PCF11: variants seen among roughly 807,000 people sequenced by gnomAD.
The protein encoded by PCF11 is pre-mRNA cleavage complex 2 protein Pcf11.
In PCF11, 19 loss-of-function variants were observed where a neutral mutation model predicts 166.1. The ratio of observed to expected loss-of-function variants is 0.11; its 90% confidence interval spans 0.08 to 0.17. The LOEUF (loss-of-function observed/expected upper bound fraction) is 0.17, where lower values mean the gene tolerates loss of function less well. Among genes scored for constraint, PCF11 ranks in the 10% least tolerant of loss-of-function variants. The pLI is 1.00. For synonymous variants in PCF11, 663 were observed against 644.1 expected (o/e 1.03, Z -0.44); for missense variants, 1,565 against 1,855.5 (o/e 0.84, Z 2.88).
At chr11:83,157,297 C>T (rs565223483) in exon 1 of PCF11, 2 of 705,054 alleles carry the variant, frequency 2.8e-6, no homozygotes, top group African/African-American at 1.8e-5. Context: ...GTGTCGTCCC[C>T]CATCCCCCCT....
Position 83,177,741 on chromosome 11 carries a change from C to A in PCF11, c.3905C>A (p.Pro1302His). Reference sequence around the variant, plus strand: ...GTAAGTGAAGTAACTGCTCAGCCTCCCCCTGAAGAGGAGGAAGATCAAAAT... The same window carrying A: ...GTAAGTGAAGTAACTGCTCAGCCTCACCCTGAAGAGGAGGAAGATCAAAAT... The change falls in exon 11 of 16, where the codon CCC (proline) becomes CAC (histidine). Residue 1302 changes from proline (P) to histidine (H), a missense_variant. Physicochemically the swap from Pro to His is moderately conservative, Grantham distance 77. Transcript: ENST00000298281. 3.2e-6 allele frequency: 5 copies of A among 1,541,636 alleles called. No homozygotes were observed. Among genetic ancestry groups the A allele is most frequent in the Non-Finnish European group, 4.4e-6 (5 of 1,138,986 alleles).
chr11:83,175,037 T>G lies in PCF11; in HGVS notation c.3758-2048T>G, dbSNP rs113947253. On this transcript the variant is annotated intron_variant, in intron 9 of 15. Coordinates refer to ENST00000298281, the Ensembl canonical transcript of PCF11. Reference sequence around the variant, plus strand: ...GGGATTATCTGTATGTGGATGCAAATTGAATTTCTGCCATTAAGAGGAATT... The same window carrying G: ...GGGATTATCTGTATGTGGATGCAAAGTGAATTTCTGCCATTAAGAGGAATT... Among the ~76,000 whole-genome samples, 1,346 of 152,352 alleles carry G rather than the reference T, an allele frequency of 8.8e-3. 5 individuals carry two copies. Among genetic ancestry groups the G allele is most frequent in the Non-Finnish European group, 0.014 (936 of 68,018 alleles).
intron 9 of PCF11, among the ~76,000 whole-genome samples, chr11:83,175,505 A>G (rs766506556): frequency 2.0e-5 from 3 of 152,140 alleles, no homozygotes; most frequent in Non-Finnish European, 4.4e-5. Context: ...TAATCCCAGC[A>G]CTTTTGGGAG....
At chr11:83,157,387 C>T in exon 1 of PCF11, 2 of 1,525,404 alleles carry the variant, frequency 1.3e-6, no homozygotes, top group Non-Finnish European at 1.8e-6. Context: ...GCGGGGTATC[C>T]AGAGCGGCTT....
At chr11:83,176,686 G>A (rs544443257) in intron 9 of PCF11, among the ~76,000 whole-genome samples, 2 of 151,984 alleles carry the variant, frequency 1.3e-5, no homozygotes, top group East Asian at 1.9e-4. Context: ...GGCACAGTCG[G>A]GGGGTGGGGG....
At chr11:83,158,935 T>G (rs1047616711) in intron 1 of PCF11, 2 of 152,170 alleles carry the variant, frequency 1.3e-5, no homozygotes, top group African/African-American at 4.8e-5. Context: ...CAAGACTTAT[T>G]TTTATCTACG....
At chr11:83,183,161 T>G in intron 15 of PCF11, 88 bp downstream of exon 15, 1 of 740,804 alleles carries the variant, frequency 1.3e-6, no homozygotes, top group Non-Finnish European at 2.2e-6. Context: ...AGCAATATTG[T>G]TATTTTAAAC....
intron 1 of PCF11, among the ~76,000 whole-genome samples, chr11:83,160,733 A>G (rs1860215586): frequency 6.6e-6 from 1 of 152,174 alleles, no homozygotes; most frequent in African/African-American, 2.4e-5. Context: ...TTGTCTGAGT[A>G]ACAAACTTGC....
intron 3 of PCF11, 24 bp from the exon 4 acceptor site, chr11:83,164,183 T>C: frequency 6.4e-7 from 1 of 1,567,710 alleles, no homozygotes; most frequent in Non-Finnish European, 8.7e-7. Context: ...ACGTTTTTCT[T>C]AAACAAATTG....
At chr11:83,181,050 G>A in exon 12 of PCF11, 14 of 1,600,344 alleles carry the variant, frequency 8.7e-6, no homozygotes, top group Non-Finnish European at 1.1e-5. Context: ...CTGGTATTCA[G>A]TGTTACTCTT....
exon 8 of PCF11, chr11:83,169,848 T>A: frequency 6.2e-7 from 1 of 1,613,744 alleles, no homozygotes; most frequent in South Asian, 1.1e-5. Flanking sequence ...ATGGACCACA[T>A]GGCCCTGGAA....
At chr11:83,164,662 C>T (rs1018249453) in intron 4 of PCF11, among the ~76,000 whole-genome samples, 17 of 151,502 alleles carry the variant, frequency 1.1e-4, no homozygotes, top group Non-Finnish European at 1.8e-4. Context: ...GTGGGAGGAT[C>T]GCTTGAGTTT....
chr11:83,171,122 C>T, intron 8 of PCF11: 3 of 316,070 alleles, frequency 9.5e-6, no homozygotes, highest in South Asian at 7.6e-5. Flanking sequence ...AGAAGTCCTG[C>T]CTCCCTCTGG....
chr11:83,163,835 A>G, exon 3 of PCF11: 1 of 1,544,028 alleles, frequency 6.5e-7, no homozygotes, highest in Non-Finnish European at 8.7e-7. Context: ...TACGTCTAGC[A>G]TCCATGTGAA....
In PCF11 at chr11:83,167,344, A is replaced by G. The variant is rs1860503047; in HGVS notation, c.2001+36A>G. 1 of 1,555,164 alleles carries G rather than the reference A, an allele frequency of 6.4e-7. No individual in the cohort carries two copies. Among genetic ancestry groups the G allele is most frequent in the Middle Eastern group, 1.7e-4 (1 of 5,796 alleles). On this transcript the variant is annotated intron_variant, in intron 6 of 15. Transcript: ENST00000298281. The surrounding 1 kb of genome is among the most constrained non-coding windows in gnomAD (Gnocchi z 4.2). Reference sequence around the variant, plus strand: ...TGATTAATCCCATGTAGTCATCATTATCTATCGTCTATTTTTTTGGTATTT... The same window carrying G: ...TGATTAATCCCATGTAGTCATCATTGTCTATCGTCTATTTTTTTGGTATTT...
intron 15 of PCF11, chr11:83,184,151 CAAAAAAAAAAA>C (rs34996416): frequency 2.6e-5 from 2 of 77,586 alleles, no homozygotes; most frequent in East Asian, 3.4e-4. Context: ...AGCTCTGTCT[CAAAAAAAAAAA>C]AAAAAAAAAA....
exon 8 of PCF11, chr11:83,168,599 C>G (rs779658886): frequency 6.2e-7 from 1 of 1,613,844 alleles, no homozygotes; most frequent in Admixed American, 1.7e-5. Flanking sequence ...TTTGATGGAC[C>G]TAGTAGGCCA....
At chr11:83,169,970 T>A (rs1164367251) in exon 8 of PCF11, 1 of 1,595,684 alleles carries the variant, frequency 6.3e-7, no homozygotes, top group Admixed American at 1.8e-5. Context: ...CCAATGACAG[T>A]AGGAAATATT....
chr11:83,184,664 C>A lies in PCF11; in HGVS notation c.4453-15C>A. 1 of 1,569,688 alleles carries A rather than the reference C, an allele frequency of 6.4e-7. No homozygotes were observed. The highest frequency in any genetic ancestry group is 1.4e-5 in the African/African-American group (1 of 73,958). ...TGAACTTTCATCAGTACTCATAGGGCCTTTCATTTTGTAGACATCTTCATT... is the reference window on the plus strand; with the variant it reads ...TGAACTTTCATCAGTACTCATAGGGACTTTCATTTTGTAGACATCTTCATT... On this transcript the variant is annotated splice_polypyrimidine_tract_variant and intron_variant, in intron 15 of 15. Transcript: ENST00000298281.
Sources: gnomAD v4.1 joint callset for allele counts (sites outside exome capture counted in the v4.1 genomes callset) on GRCh38, gnomAD v4.1.1 for gene constraint, Gnocchi (gnomAD v3.1) non-coding constraint, MANE v1.5 for transcripts, NCBI Gene and HGNC (gene_info 2026-07-23, HGNC 2026-07-21) for gene names.